The following SLC35F3 variants were observed in gnomAD, a reference collection of about 807,000 sequenced individuals.
SLC35F3 encodes the protein putative thiamine transporter SLC35F3.
SLC35F3 carries 25 observed loss-of-function variants against 49.9 expected under a neutral mutation model. That is an observed-to-expected ratio of 0.50 (90% CI 0.37 to 0.70). SLC35F3 has a LOEUF of 0.70. Ranked by LOEUF, SLC35F3 falls within the 30% of genes least tolerant of loss-of-function variation. The pLI is 0.00. For synonymous variants in SLC35F3, 275 were observed against 265.4 expected (o/e 1.04, Z -0.35); for missense variants, 525 against 639.8 (o/e 0.82, Z 1.94).
chr1:233,922,448 A>C (rs1662078954), intron 2 of SLC35F3, among the ~76,000 whole-genome samples: 1 of 148,278 alleles, frequency 6.7e-6, no homozygotes. Context: ...TTCTTTTGAG[A>C]AGTGTCTGTT....
intron 2 of SLC35F3, among the ~76,000 whole-genome samples, chr1:234,135,218 GA>G (rs1665792514): frequency 6.6e-6 from 1 of 152,182 alleles, no homozygotes; most frequent in Non-Finnish European, 1.5e-5. Flanking sequence ...TAGTTATCAT[GA>G]AAGAGTGAAT....
chr1:234,144,806 T>C (rs1443594916), intron 2 of SLC35F3, among the ~76,000 whole-genome samples: 1 of 151,606 alleles, frequency 6.6e-6, no homozygotes, highest in Non-Finnish European at 1.5e-5. Context: ...TTGTGCGGGG[T>C]GATAAGTATA....
intron 3 of SLC35F3, among the ~76,000 whole-genome samples, chr1:234,245,332 G>A (rs1309970674): frequency 6.6e-6 from 1 of 152,202 alleles, no homozygotes; most frequent in Non-Finnish European, 1.5e-5. Context: ...GTATTCCATT[G>A]TGTATATATG....
intron 3 of SLC35F3, 75 bp from the exon 4 acceptor site, chr1:234,309,026 A>AAAAT (rs1657282769): frequency 3.8e-6 from 5 of 1,306,974 alleles, no homozygotes; most frequent in Non-Finnish European, 5.3e-6. Context: ...AAAAAAAAAA[A>AAAAT]AACTTGCTAT....
At chr1:234,113,760 G>A (rs1180677416) in intron 2 of SLC35F3, among the ~76,000 whole-genome samples, 1 of 152,194 alleles carries the variant, frequency 6.6e-6, no homozygotes, top group Non-Finnish European at 1.5e-5. Flanking sequence ...CTACTCGGGA[G>A]GCTGAGGCAG....
At chr1:234,273,466 T>G (rs1668143644) in intron 3 of SLC35F3, among the ~76,000 whole-genome samples, 1 of 152,042 alleles carries the variant, frequency 6.6e-6, no homozygotes, top group African/African-American at 2.4e-5. Context: ...GCCAAGAACT[T>G]AGGTTTGTGC....
intron 2 of SLC35F3, among the ~76,000 whole-genome samples, chr1:234,091,397 A>G (rs1665042328): frequency 6.6e-6 from 1 of 152,196 alleles, no homozygotes; most frequent in South Asian, 2.1e-4. Flanking sequence ...TATGCAGCAA[A>G]CACTCACCCC....
At chr1:233,964,480 T>C (rs751482956) in intron 2 of SLC35F3, among the ~76,000 whole-genome samples, 4 of 152,184 alleles carry the variant, frequency 2.6e-5, no homozygotes, top group Non-Finnish European at 4.4e-5. Context: ...GGGAGGCAGA[T>C]GTGGTGTTTA....
intron 2 of SLC35F3, among the ~76,000 whole-genome samples, chr1:234,132,659 TTCAAA>T (rs1422653157): frequency 6.6e-6 from 1 of 152,266 alleles, no homozygotes; most frequent in African/African-American, 2.4e-5. Flanking sequence ...GGATTAACTC[TTCAAA>T]TCATTTGCTG....
intron 2 of SLC35F3, among the ~76,000 whole-genome samples, chr1:234,122,095 G>A (rs561468997): frequency 2.0e-5 from 3 of 152,262 alleles, no homozygotes; most frequent in Admixed American, 6.5e-5. Context: ...CAATGGGATC[G>A]CTGGGTCAAA....
At chr1:234,250,318 T>A (rs1667715050) in intron 3 of SLC35F3, among the ~76,000 whole-genome samples, 1 of 152,214 alleles carries the variant, frequency 6.6e-6, no homozygotes, top group African/African-American at 2.4e-5. Flanking sequence ...CCTGTTTGTG[T>A]TGCTATAAAG....
intron 2 of SLC35F3, among the ~76,000 whole-genome samples, chr1:234,069,789 TC>T (rs2102867253): frequency 6.6e-6 from 1 of 152,282 alleles, no homozygotes; most frequent in South Asian, 2.1e-4. Flanking sequence ...CTGTTGCTCT[TC>T]CTGTAGCTCA....
intron 2 of SLC35F3, among the ~76,000 whole-genome samples, chr1:234,014,304 C>G (rs1370665439): frequency 6.6e-6 from 1 of 152,086 alleles, no homozygotes; most frequent in African/African-American, 2.4e-5. Context: ...TAATGAAACT[C>G]TCTACAAATT....
Position 233,905,628 on chromosome 1 carries a change from G to A in SLC35F3, c.153G>A (p.Lys51=). 2 of 1,614,206 alleles carry A rather than the reference G, an allele frequency of 1.2e-6. No homozygotes were observed. Among genetic ancestry groups the A allele is most frequent in the South Asian group, 1.1e-5 (1 of 91,092 alleles). ...ACTTGGTGGTGGACGAGGCGATTAA[G>A]GAGGATCTGAAATGGTCGCGCTCCG... ...LKYLVVDEAI[K]EDLKWSRSVE... is the part of the protein sequence containing the mutation. The change falls in exon 2 of 8, where the codon AAG becomes AAA. Residue 51 remains lysine, a synonymous_variant. Transcript: ENST00000366618.
chr1:233,980,855 A>G (rs1663171073), intron 2 of SLC35F3, among the ~76,000 whole-genome samples: 1 of 152,222 alleles, frequency 6.6e-6, no homozygotes, highest in Admixed American at 6.5e-5. Context: ...GCATTTGGTG[A>G]CAAGCATTGT....
chr1:234,129,683 C>T (rs1273006457), intron 2 of SLC35F3, among the ~76,000 whole-genome samples: 1 of 152,118 alleles, frequency 6.6e-6, no homozygotes, highest in Non-Finnish European at 1.5e-5. Context: ...TAAATTTACG[C>T]TAATTAGGAC....
intron 2 of SLC35F3, among the ~76,000 whole-genome samples, chr1:234,033,680 C>A (rs1039859378): frequency 6.6e-6 from 1 of 152,150 alleles, no homozygotes; most frequent in African/African-American, 2.4e-5. Context: ...TTTGGCTTTA[C>A]TTCCAGATTC....
At chr1:233,999,497 G>C (rs184178738) in intron 2 of SLC35F3, among the ~76,000 whole-genome samples, 1 of 152,294 alleles carries the variant, frequency 6.6e-6, no homozygotes, top group Admixed American at 6.5e-5. Flanking sequence ...GATCTCTGCT[G>C]TTCCGTGTGG....
At chr1:233,966,051 G>A (rs962990262) in intron 2 of SLC35F3, among the ~76,000 whole-genome samples, 1 of 152,120 alleles carries the variant, frequency 6.6e-6, no homozygotes, top group African/African-American at 2.4e-5. Flanking sequence ...ATAGAGAGTG[G>A]CCAAGACCAG....
Sources: gnomAD v4.1 joint callset for allele counts (sites outside exome capture counted in the v4.1 genomes callset) on GRCh38, gnomAD v4.1.1 for gene constraint, MANE v1.5 for transcripts, NCBI Gene and HGNC (gene_info 2026-07-23, HGNC 2026-07-21) for gene names.